Variants in MAPK10 observed in about 807,000 individuals in gnomAD.
MAPK10 encodes the protein JNK3 alpha protein kinase.
In MAPK10, 25 loss-of-function variants were observed where a neutral mutation model predicts 59.3. The ratio of observed to expected loss-of-function variants is 0.42; its 90% CI spans 0.31 to 0.59. The LOEUF is 0.59. Ranked by LOEUF, MAPK10 falls within the 20% of genes least tolerant of loss-of-function variation. The pLI, the probability that MAPK10 is intolerant of heterozygous loss-of-function variation, is 0.15. For missense variants in MAPK10, 351 were observed against 568.9 expected (o/e 0.62, Z 3.90); for synonymous variants, 190 against 200.5 (o/e 0.95, Z 0.44).
intron 2 of MAPK10, among the ~76,000 whole-genome samples, chr4:86,243,318 T>C (rs1679436888): frequency 6.6e-6 from 1 of 152,218 alleles, no homozygotes; most frequent in South Asian, 2.1e-4. Flanking sequence ...GTGGAGATAC[T>C]TAGTCATTAA....
intron 1 of MAPK10, among the ~76,000 whole-genome samples, chr4:86,496,287 C>T (rs887169780): frequency 6.6e-6 from 1 of 152,136 alleles, no homozygotes; most frequent in African/African-American, 2.4e-5. Context: ...GCCTCAGCTA[C>T]CACTAGAGGG....
At chr4:86,157,455 C>A (rs1470755128) in intron 4 of MAPK10, among the ~76,000 whole-genome samples, 1 of 151,962 alleles carries the variant, frequency 6.6e-6, no homozygotes, top group East Asian at 1.9e-4. Context: ...TTCAGTTTGT[C>A]TGTCCATCAG....
chr4:86,127,373 T>C (rs2060244996), intron 4 of MAPK10, among the ~76,000 whole-genome samples: 1 of 152,012 alleles, frequency 6.6e-6, no homozygotes, highest in African/African-American at 2.4e-5. Flanking sequence ...ATTGATGTAC[T>C]CCTAACACCA....
Position 86,427,052 on chromosome 4 carries a change from T to C in MAPK10, c.-122+25978A>G, listed in dbSNP as rs540721638. 1.3e-4 allele frequency among the ~76,000 whole-genome samples: 19 copies of C among 151,746 alleles called. No homozygotes were observed. The South Asian group carries it at 3.8e-3, about 30-fold the overall frequency. On this transcript the variant is annotated intron_variant, in intron 1 of 13. Coordinates refer to the MAPK10 transcript ENST00000361569. ...GCGGGCAGATCACGAGGTCAAGAGA[T>C]CGAGACCATCCTGGTTAACGCGGTG...
At chr4:86,074,995 A>C (rs939200824) in intron 9 of MAPK10, among the ~76,000 whole-genome samples, 1 of 146,836 alleles carries the variant, frequency 6.8e-6, no homozygotes, top group South Asian at 2.2e-4. Flanking sequence ...GTGTTTTCCA[A>C]CTTGGTTCCA....
At chr4:86,362,788 C>T (rs1328998131), upstream of MAPK10, among the ~76,000 whole-genome samples, 1 of 152,090 alleles carries the variant, frequency 6.6e-6, no homozygotes, top group Admixed American at 6.5e-5. Flanking sequence ...AAAAGACTAA[C>T]ATCATCACAT....
At position 86,328,041 on chromosome 4, in the gene MAPK10, A is replaced by G. The variant is rs539314447; in HGVS notation, c.-7+26489T>C. ...CATTCTCCAAACTTCAGGTGTTGCC[A>G]CTGTGATAGTATTAAAAGGTGGGTC... On this transcript the variant is annotated intron_variant, in intron 2 of 13. Coordinates refer to ENST00000641462, the MANE Select transcript of MAPK10 (RefSeq NM_138982.4). Among the ~76,000 whole-genome samples, 40 of 152,306 alleles carry G rather than the reference A, an allele frequency of 2.6e-4. No homozygotes were observed. In the South Asian group the frequency reaches 3.9e-3, roughly 15 times the overall value.
intron 4 of MAPK10, among the ~76,000 whole-genome samples, chr4:86,130,556 T>C (rs1158149797): frequency 6.6e-6 from 1 of 152,166 alleles, no homozygotes; most frequent in Non-Finnish European, 1.5e-5. Flanking sequence ...AAATGAAATG[T>C]GGTCTAATCG....
chr4:86,037,694 G>A (rs1392515441), intron 11 of MAPK10, among the ~76,000 whole-genome samples: 2 of 152,148 alleles, frequency 1.3e-5, no homozygotes, highest in Non-Finnish European at 2.9e-5. Context: ...AGTGGTAAAA[G>A]AAAGTTCAGA....
At chr4:86,380,448 A>C (rs995910762) in intron 1 of MAPK10, among the ~76,000 whole-genome samples, 1 of 152,110 alleles carries the variant, frequency 6.6e-6, no homozygotes, top group Non-Finnish European at 1.5e-5. Context: ...ACAAGCCTTA[A>C]CACAGTGAAT....
intron 1 of MAPK10, among the ~76,000 whole-genome samples, chr4:86,368,314 T>G (rs866135465): frequency 5.3e-5 from 8 of 152,208 alleles, no homozygotes; most frequent in South Asian, 2.1e-4. Context: ...TATTAATATC[T>G]TGCACTCATG....
At chr4:86,294,677 A>G (rs1436750690) in intron 2 of MAPK10, among the ~76,000 whole-genome samples, 2 of 152,200 alleles carry the variant, frequency 1.3e-5, no homozygotes, top group Non-Finnish European at 2.9e-5. Context: ...CTAAAGCACT[A>G]GGATAGGAAA....
chr4:86,295,745 T>C (rs1295489378), intron 2 of MAPK10, among the ~76,000 whole-genome samples: 1 of 141,138 alleles, frequency 7.1e-6, no homozygotes, highest in Non-Finnish European at 1.5e-5. Context: ...TATAAATTTA[T>C]ATATATTTTA....
chr4:86,477,865 C>G (rs953663391), intron 1 of MAPK10, among the ~76,000 whole-genome samples: 12 of 152,092 alleles, frequency 7.9e-5, no homozygotes, highest in Non-Finnish European at 1.5e-4. Context: ...TCCTTTGCAC[C>G]CTTCGTCCCA....
chr4:86,302,868 G>T (rs950573626), intron 2 of MAPK10, among the ~76,000 whole-genome samples: 1 of 152,166 alleles, frequency 6.6e-6, no homozygotes, highest in Admixed American at 6.5e-5. Context: ...CCAAGAAAAA[G>T]ACTTTTACAA....
intron 1 of MAPK10, among the ~76,000 whole-genome samples, chr4:86,434,939 A>G (rs1408882472): frequency 2.0e-5 from 3 of 152,248 alleles, no homozygotes; most frequent in Non-Finnish European, 4.4e-5. Flanking sequence ...ATCTATATAC[A>G]CAATGGAATA....
intron 1 of MAPK10, among the ~76,000 whole-genome samples, chr4:86,407,437 A>G (rs985085016): frequency 9.9e-5 from 15 of 152,160 alleles, no homozygotes; most frequent in African/African-American, 3.6e-4. Context: ...GGGGAGGTTC[A>G]CAGATTTTGT....
chr4:86,566,813 T>C (rs1761091508), intron 1 of MAPK10, among the ~76,000 whole-genome samples: 1 of 152,144 alleles, frequency 6.6e-6, no homozygotes, highest in Admixed American at 6.5e-5. Flanking sequence ...CTCTCACCTA[T>C]AATCCCAGCA....
chr4:86,037,740 G>A (rs1328884635), intron 11 of MAPK10, among the ~76,000 whole-genome samples: 1 of 152,170 alleles, frequency 6.6e-6, no homozygotes, highest in Non-Finnish European at 1.5e-5. Context: ...ATTTTCAAAT[G>A]AGAATATAGA....
Sources: gnomAD v4.1 joint callset for allele counts (sites outside exome capture counted in the v4.1 genomes callset) on GRCh38, gnomAD v4.1.1 for gene constraint, MANE v1.5 for transcripts, NCBI Gene and HGNC (gene_info 2026-07-23, HGNC 2026-07-21) for gene names.